Variants in RRAS2 observed in about 807,000 individuals in gnomAD.
The protein encoded by RRAS2 is RAS related 2.
A neutral mutation model predicts 27.6 loss-of-function variants in RRAS2; 7 were observed. The observed-to-expected ratio is 0.25, with a 90% CI of 0.14 to 0.48. RRAS2 has a LOEUF of 0.48. Ranked by LOEUF, RRAS2 falls within the 20% of genes least tolerant of loss-of-function variation. The probability of loss-of-function intolerance (pLI) is 0.99; values close to 1 mark genes in which losing one functional copy is unlikely to be tolerated. For missense variants in RRAS2, 178 were observed against 256.2 expected (o/e 0.69, Z 2.08); for synonymous variants, 86 against 90.9 (o/e 0.95, Z 0.31).
chr11:14,344,252 A>G (rs1043755174), intron 1 of RRAS2, among the ~76,000 whole-genome samples: 9 of 152,234 alleles, frequency 5.9e-5, no homozygotes, highest in Non-Finnish European at 7.4e-5. Flanking sequence ...TACTACAATC[A>G]TTAATTTAAA....
intron 1 of RRAS2, among the ~76,000 whole-genome samples, chr11:14,352,750 T>TAGAGAGAG (rs1848982668): frequency 7.9e-6 from 1 of 125,904 alleles, no homozygotes. Flanking sequence ...TTAAAATATA[T>TAGAGAGAG]ATATATAGAG....
At chr11:14,361,211 C>G (rs1414170760), upstream of RRAS2, among the ~76,000 whole-genome samples, 1 of 152,050 alleles carries the variant, frequency 6.6e-6, no homozygotes, top group African/African-American at 2.4e-5. Context: ...TGCTTGAACG[C>G]TGGAAGCGGA....
chr11:14,353,588 T>A (rs1849010853), intron 1 of RRAS2, among the ~76,000 whole-genome samples: 1 of 147,026 alleles, frequency 6.8e-6, no homozygotes, highest in African/African-American at 2.5e-5. Context: ...GAGCGAAACT[T>A]CGTCTCAAAA....
At chr11:14,290,364 G>A (rs550035654) in intron 4 of RRAS2, among the ~76,000 whole-genome samples, 12 of 152,286 alleles carry the variant, frequency 7.9e-5, no homozygotes, top group Admixed American at 1.3e-4. Context: ...CAGGAGAATC[G>A]CTTGAACCCG....
intron 1 of RRAS2, among the ~76,000 whole-genome samples, chr11:14,325,460 C>T (rs536016460): frequency 2.6e-5 from 4 of 152,166 alleles, no homozygotes; most frequent in East Asian, 1.9e-4. Flanking sequence ...CCTGCCACGA[C>T]GCCTGGCTTT....
chr11:14,281,836 A>G, intron 4 of RRAS2, 116 bp from the exon 5 acceptor site: 1 of 820,012 alleles, frequency 1.2e-6, no homozygotes. Flanking sequence ...GTTTTATCAT[A>G]AGGTGAAACA....
At position 14,358,818 on chromosome 11, in the gene RRAS2, AC is replaced by A; in HGVS notation, c.52del (p.Val18TrpfsTer23). 6.7e-7 allele frequency: 1 copy of A among 1,488,724 alleles called. No individual in the cohort carries two copies. The highest frequency in any genetic ancestry group is 9.0e-7 in the Non-Finnish European group (1 of 1,113,804). 92.2% of individuals were successfully genotyped at this position (1,488,724 alleles called of 1,614,324 possible). On this transcript the variant is annotated frameshift_variant, in exon 1 of 6. Coordinates refer to ENST00000256196, the MANE Select transcript of RRAS2 (RefSeq NM_012250.6). LOFTEE classifies it high-confidence loss of function. This position sits in a 1 kb window ranked among gnomAD's most constrained non-coding sequence, Gnocchi z 5.1. ...GCCCACGCCGCCCCCGCCGACCACC[AC>A]GAGCCGGTACTTCTCCTGGCCGGAG... ...DGSGQEKYRL[V>X]VVGGGGVGKS...
chr11:14,350,984 T>A (rs369118167), intron 1 of RRAS2, among the ~76,000 whole-genome samples: 1 of 152,204 alleles, frequency 6.6e-6, no homozygotes, highest in Non-Finnish European at 1.5e-5. Flanking sequence ...TGCTGCAACC[T>A]TGTACATGTG....
At chr11:14,308,554 G>A (rs1311933528) in intron 1 of RRAS2, among the ~76,000 whole-genome samples, 4 of 152,040 alleles carry the variant, frequency 2.6e-5, no homozygotes, top group Admixed American at 6.6e-5. Flanking sequence ...AGGTGCTATC[G>A]AGGACTTCCT....
At chr11:14,309,557 T>C (rs1554948568) in intron 1 of RRAS2, among the ~76,000 whole-genome samples, 10 of 152,196 alleles carry the variant, frequency 6.6e-5, no homozygotes. Flanking sequence ...GATATGATAC[T>C]GCATAAGATA....
chr11:14,358,809 C>T lies in RRAS2; in HGVS notation c.62G>A (p.Gly21Asp). The change falls in exon 1 of 6, where the codon GGC becomes GAC. Residue 21 changes from glycine to aspartate, a missense_variant. Transcript: ENST00000256196. This position sits in a 1 kb window ranked among gnomAD's most constrained non-coding sequence, Gnocchi z 5.1. ...GQEKYRLVVV[G>D]GGGVGKSALT... ...CGCCGACTTGCCCACGCCGCCCCCG[C>T]CGACCACCACGAGCCGGTACTTCTC... 1 of 1,490,434 alleles carries T rather than the reference C, an allele frequency of 6.7e-7. No individual in the cohort carries two copies. Among genetic ancestry groups the T allele is most frequent in the Non-Finnish European group, 9.0e-7 (1 of 1,113,904 alleles). The allele number at this position is 1,490,434 out of a possible 1,614,324, so 92.3% of individuals were successfully genotyped here.
chr11:14,293,106 T>TCAAAA (rs1370782422), intron 4 of RRAS2, among the ~76,000 whole-genome samples: 1 of 105,886 alleles, frequency 9.4e-6, no homozygotes, highest in African/African-American at 3.7e-5. Flanking sequence ...AGACTCCGTC[T>TCAAAA]CAAAACAAAA....
chr11:14,352,781 G>GGAGAGAGA lies in RRAS2; in HGVS notation c.108+5974_108+5981dup, dbSNP rs376706893. Among the ~76,000 whole-genome samples, 6 of 129,114 alleles carry GGAGAGAGA rather than the reference G, an allele frequency of 4.6e-5. No individual in the cohort carries two copies. In the South Asian group the frequency reaches 1.6e-3, roughly 34 times the overall value. 84.7% of individuals were successfully genotyped at this position (129,114 alleles called of 152,430 possible). On this transcript the variant is annotated intron_variant, in intron 1 of 5. Transcript: ENST00000256196. ...TAGAGAGAGAGAGAGAGAGAGAGAGGGAGAGAGAGAGAGAGAGACATTTTT... is the reference window on the plus strand; with the variant it reads ...TAGAGAGAGAGAGAGAGAGAGAGAGGGAGAGAGAGAGAGAGAGAGAGAGAGACATTTTT...
rs540317813 is a variant in RRAS2 at position 14,318,322 on chromosome 11, A to T, written c.109-22467T>A. Among the ~76,000 whole-genome samples the T allele has an allele frequency of 5.3e-5, 8 of 151,966 alleles. No homozygotes were observed. In the East Asian group the frequency reaches 1.4e-3, roughly 26 times the overall value. On this transcript the variant is annotated intron_variant, in intron 1 of 5. Coordinates refer to ENST00000256196, the MANE Select transcript of RRAS2 (RefSeq NM_012250.6). ...AAGACCAGTCTGGCCAACATGGAAA[A>T]GCCCCATCTCTACCTACTAAAAGCA...
intron 1 of RRAS2, among the ~76,000 whole-genome samples, chr11:14,298,462 C>T (rs1847615097): frequency 6.6e-6 from 1 of 152,116 alleles, no homozygotes; most frequent in Admixed American, 6.5e-5. Flanking sequence ...ACTTTGAAGT[C>T]CAGTATAATA....
intron 1 of RRAS2, among the ~76,000 whole-genome samples, chr11:14,302,106 A>ACACACACACACACC (rs1311958360): frequency 1.3e-5 from 2 of 150,490 alleles, no homozygotes; most frequent in East Asian, 3.9e-4. Flanking sequence ...ACACACACAC[A>ACACACACACACACC]CACACCAAAA....
chr11:14,328,338 C>A (rs1385725291), intron 1 of RRAS2, among the ~76,000 whole-genome samples: 2 of 127,894 alleles, frequency 1.6e-5, no homozygotes, highest in African/African-American at 5.7e-5. Context: ...TGTACTCCAG[C>A]CTGGGCAAGA....
chr11:14,285,843 TCCC>T (rs1849647050), intron 4 of RRAS2, among the ~76,000 whole-genome samples: 2 of 152,196 alleles, frequency 1.3e-5, no homozygotes, highest in African/African-American at 4.8e-5. Context: ...TGTGCTCTTT[TCCC>T]CCCGTCTGGC....
chr11:14,307,919 AGG>A (rs1554948342), intron 1 of RRAS2, among the ~76,000 whole-genome samples: 1 of 152,194 alleles, frequency 6.6e-6, no homozygotes, highest in African/African-American at 2.4e-5. Flanking sequence ...TCCTGCCGAT[AGG>A]TCTGCACATA....
Sources: gnomAD v4.1 joint callset for allele counts (sites outside exome capture counted in the v4.1 genomes callset) on GRCh38, gnomAD v4.1.1 for gene constraint, Gnocchi (gnomAD v3.1) non-coding constraint, MANE v1.5 for transcripts, NCBI Gene and HGNC (gene_info 2026-07-23, HGNC 2026-07-21) for gene names.